The following NEB variants were observed in gnomAD, a reference collection of about 807,000 sequenced individuals.
NEB encodes nemaline myopathy type 2.
Under a neutral mutation model 952.2 loss-of-function variants are expected in NEB, and 512 were observed. The ratio of observed to expected loss-of-function variants is 0.54; its 90% CI spans 0.50 to 0.58. The LOEUF (loss-of-function observed/expected upper bound fraction) is 0.58. Ranked by LOEUF, NEB falls within the 20% of genes least tolerant of loss-of-function variation. NEB has a pLI of 0.00. For missense variants in NEB, 8,428 were observed against 9,231.1 expected (o/e 0.91, Z 3.56); for synonymous variants, 2,900 against 3,149.8 (o/e 0.92, Z 2.66).
chr2:151,564,709 A>T (rs1235518220), intron 117 of NEB, among the ~76,000 whole-genome samples: 1 of 152,150 alleles, frequency 6.6e-6, no homozygotes, highest in East Asian at 1.9e-4. Flanking sequence ...GCTCAATGCT[A>T]TGTGCCCCCA....
intron 130 of NEB, 51 bp from the exon 131 acceptor site, chr2:151,548,466 C>T (rs751860529): frequency 1.7e-6 from 2 of 1,211,650 alleles, no homozygotes; most frequent in Non-Finnish European, 2.5e-6. Flanking sequence ...CAAGGACCAA[C>T]ATTACATTTC....
chr2:151,712,048 C>T (rs1046419286), intron 10 of NEB, among the ~76,000 whole-genome samples: 3 of 152,078 alleles, frequency 2.0e-5, no homozygotes, highest in South Asian at 2.1e-4. Flanking sequence ...TGGAGACAGA[C>T]CTCTTCAAGA....
At chr2:151,694,749 T>A in intron 18 of NEB, 120 bp from the exon 19 acceptor site, 1 of 755,132 alleles carries the variant, frequency 1.3e-6, no homozygotes, top group African/African-American at 1.8e-5. Flanking sequence ...CTTTTTATTG[T>A]CTAGGAAATC....
chr2:151,540,783 C>T lies in NEB; in HGVS notation c.20701G>A (p.Ala6901Thr). 1 of 1,612,974 alleles carries T rather than the reference C, an allele frequency of 6.2e-7. No individual in the cohort carries two copies. Among genetic ancestry groups the T allele is most frequent in the Non-Finnish European group, 8.5e-7 (1 of 1,179,106 alleles). ...TGATGATGGGGTCTCTCTTTGGTGG[C>T]AAGTTCAACATACAGATACTGAATA... ...LQSQYLYVEL[A>T]TKERPHHHAG... The change falls in exon 137 of 182, where the codon GCC (alanine) becomes ACC (threonine). Residue 6901 changes from alanine to threonine, a missense_variant. Transcript: ENST00000397345.
At chr2:151,579,078 C>G (rs1436779302) in intron 105 of NEB, among the ~76,000 whole-genome samples, 1 of 71,790 alleles carries the variant, frequency 1.4e-5, no homozygotes, top group African/African-American at 5.7e-5. Flanking sequence ...AAGACTCCAT[C>G]TCAAAAAAAA....
chr2:151,679,667 A>ACCCCCCC, intron 32 of NEB, 54 bp downstream of exon 32: 1 of 486,356 alleles, frequency 2.1e-6, no homozygotes, highest in East Asian at 5.0e-5. Flanking sequence ...TCAGACCCCA[A>ACCCCCCC]GCCCACCCAC....
Position 151,576,408 on chromosome 2 carries a change from G to A in NEB, c.16705-54C>T, listed in dbSNP as rs1006015744. The A allele has an allele frequency of 1.4e-5, 19 of 1,342,008 alleles. No individual in the cohort carries two copies. In the African/African-American group the frequency reaches 2.8e-4, roughly 20 times the overall value. 83.1% of individuals were successfully genotyped at this position (1,342,008 alleles called of 1,614,324 possible). ...GGTTTGTGTTTTGTTGTGTATGTGT[G>A]TGGTAAAATAAGGACAGTTTTTATG... On this transcript the variant is annotated intron_variant, in intron 105 of 181. Transcript: ENST00000397345.
rs3771901 is a variant in NEB at position 151,575,967 on chromosome 2, G to A, written c.16909-168C>T. On this transcript the variant is annotated intron_variant, in intron 106 of 181. Coordinates refer to ENST00000397345, the MANE Select transcript of NEB (RefSeq NM_001164508.2). The stretch of plus-strand genomic sequence containing the variant: ...GTTACTCAAATTTGATATAAAATCT[G>A]TATTATTCCCTTTTATTAGAGTTTT... Among the ~76,000 whole-genome samples the A allele has an allele frequency of 0.26, 39,980 of 151,908 alleles. 5,915 individuals are homozygous for A. Among genetic ancestry groups the A allele is most frequent in the Non-Finnish European group, 0.34 (23,324 of 67,932 alleles).
In NEB at chr2:151,542,508, A is replaced by G. The variant is rs2094196345; in HGVS notation, c.20578-957T>C. Among the ~76,000 whole-genome samples, 3 of 151,836 alleles carry G rather than the reference A, an allele frequency of 2.0e-5. No individual in the cohort carries two copies. The South Asian group carries it at 6.2e-4, about 32-fold the overall frequency. On this transcript the variant is annotated intron_variant, in intron 135 of 181. Transcript: ENST00000397345. ...AATTGCTGCTTCTCCTATTTTCTCT[A>G]TTTTGCTAAATGACTTGTTGATATC...
intron 161 of NEB, among the ~76,000 whole-genome samples, chr2:151,508,891 A>ATTGT (rs1003709157): frequency 1.3e-5 from 2 of 152,152 alleles, no homozygotes; most frequent in African/African-American, 4.8e-5. Flanking sequence ...CAAACTGATG[A>ATTGT]TTGTTTTTAT....
At chr2:151,573,370 T>C (rs1299153458) in intron 107 of NEB, among the ~76,000 whole-genome samples, 3 of 152,158 alleles carry the variant, frequency 2.0e-5, no homozygotes, top group Non-Finnish European at 2.9e-5. Context: ...AAAGAGAGCA[T>C]ATGTGACTTT....
At chr2:151,681,025 A>C (rs973924009) in intron 29 of NEB, among the ~76,000 whole-genome samples, 197 bp from the exon 30 acceptor site, 3 of 152,238 alleles carry the variant, frequency 2.0e-5, no homozygotes, top group African/African-American at 7.2e-5. Context: ...AATTGTGGAT[A>C]GTTTGGGACA....
At chr2:151,731,580 A>G (rs1434549669) in intron 3 of NEB, among the ~76,000 whole-genome samples, 1 of 152,154 alleles carries the variant, frequency 6.6e-6, no homozygotes. Context: ...CAGGCAGTCT[A>G]TTCGTTTATC....
At chr2:151,569,212 C>T (rs1349002698) in intron 110 of NEB, 56 bp downstream of exon 110, 3 of 1,394,694 alleles carry the variant, frequency 2.2e-6, no homozygotes, top group Non-Finnish European at 3.1e-6. Context: ...TTAGCTTGTG[C>T]ATTTTGTCAC....
At chr2:151,504,574 A>T (rs1482000394) in intron 165 of NEB, among the ~76,000 whole-genome samples, 1 of 152,248 alleles carries the variant, frequency 6.6e-6, no homozygotes, top group African/African-American at 2.4e-5. Context: ...TGCAAGAGAA[A>T]TATCAAGTAT....
chr2:151,658,810 C>T (rs897858785), intron 47 of NEB, among the ~76,000 whole-genome samples: 3 of 152,084 alleles, frequency 2.0e-5, no homozygotes, highest in Admixed American at 1.3e-4. Context: ...TCTACCAAAT[C>T]TCTCAATTTA....
chr2:151,610,812 C>G lies in NEB; in HGVS notation c.11860G>C (p.Asp3954His), dbSNP rs1214040717. ...ADKTSIHVMPDTPDILLAKSN... is the reference protein window; with the variant it reads ...ADKTSIHVMPHTPDILLAKSN... ...TTGGCCAGCAGGATATCTGGGGTGT[C>G]TGGCATCACGTGGATGGAGGTTTTG... Residue 3954 changes from aspartate (D) to histidine (H), a missense_variant, in exon 79 of 182, where the codon GAC becomes CAC. By Grantham distance (81) the Asp-to-His change is moderately conservative. This residue lies in a region of NEB where 337 missense variants were observed against 297.5 expected (regional missense o/e 1.13). Coordinates refer to ENST00000397345, the MANE Select transcript of NEB (RefSeq NM_001164508.2). The G allele has an allele frequency of 1.9e-6, 3 of 1,607,298 alleles. No homozygotes were observed. The highest frequency in any genetic ancestry group is 2.5e-6 in the Non-Finnish European group (3 of 1,176,560).
chr2:151,534,577 A>T (rs1050550088), intron 142 of NEB, among the ~76,000 whole-genome samples: 7 of 152,246 alleles, frequency 4.6e-5, no homozygotes, highest in Non-Finnish European at 1.0e-4. Context: ...CCATCTTTGC[A>T]TATGATGCCA....
chr2:151,690,924 G>C (rs1047497993), intron 23 of NEB, 99 bp from the exon 24 acceptor site: 2 of 866,588 alleles, frequency 2.3e-6, no homozygotes, highest in Non-Finnish European at 3.8e-6. Flanking sequence ...AGTTTATTTT[G>C]TTCCTGAAAA....
Sources: allele counts gnomAD v4.1 joint callset (sites outside exome capture counted in the v4.1 genomes callset), GRCh38; gene constraint gnomAD v4.1.1; regional missense constraint gnomAD v4.1.1; transcripts MANE v1.5; gene names NCBI Gene and HGNC (gene_info 2026-07-23, HGNC 2026-07-21).